Variants in HDX observed in about 807,000 individuals in gnomAD.
The protein encoded by HDX is highly divergent homeobox, also known as chromosome X open reading frame 43.
A neutral mutation model predicts 45.2 loss-of-function variants in HDX; 19 were observed. The ratio of observed to expected loss-of-function variants is 0.42; its 90% CI spans 0.29 to 0.62. The LOEUF (loss-of-function observed/expected upper bound fraction) is 0.62, where lower values mean the gene tolerates loss of function less well. Ranked by LOEUF, HDX falls within the 20% of genes least tolerant of loss-of-function variation. HDX has a pLI of 0.20. For missense variants in HDX, 532 were observed against 493.9 expected, an observed-to-expected ratio of 1.08 and a Z score of -0.73; for synonymous variants, 188 against 172.8, an observed-to-expected ratio of 1.09 and a Z score of -0.69.
At chrX:84,436,276 G>T (rs1328400849) in intron 5 of HDX, among the ~76,000 whole-genome samples, 7 of 70,030 alleles carry the variant, frequency 1.0e-4, no homozygotes, top group Non-Finnish European at 1.8e-4. Context: ...TGGGGACTGT[G>T]GTGGGGTGGG....
intron 1 of HDX, among the ~76,000 whole-genome samples, chrX:84,499,116 A>G (rs1234828483): frequency 8.9e-6 from 1 of 112,041 alleles, no homozygotes; most frequent in Non-Finnish European, 1.9e-5. Flanking sequence ...AGATATATAA[A>G]GTTTTTAGCA....
chrX:84,351,948 C>G (rs189716120), intron 6 of HDX, among the ~76,000 whole-genome samples: 1 of 111,871 alleles, frequency 8.9e-6, no homozygotes, highest in African/African-American at 3.2e-5. Flanking sequence ...GAATTTGTAA[C>G]CTTTCTAGTT....
intron 5 of HDX, among the ~76,000 whole-genome samples, chrX:84,410,543 T>A (rs1201838337): frequency 8.9e-6 from 1 of 111,866 alleles, no homozygotes; most frequent in Non-Finnish European, 1.9e-5. Flanking sequence ...TAGCTTTTGA[T>A]GTGCTTCTGG....
chrX:84,456,785 G>C (rs191341622), intron 4 of HDX, among the ~76,000 whole-genome samples: 26 of 111,637 alleles, frequency 2.3e-4, no homozygotes, highest in Non-Finnish European at 4.5e-4. Flanking sequence ...GATAAAGAAA[G>C]TCATTATATA....
At chrX:84,423,298 A>G (rs1401527409) in intron 5 of HDX, among the ~76,000 whole-genome samples, 1 of 110,728 alleles carries the variant, frequency 9.0e-6, no homozygotes, top group African/African-American at 3.3e-5. Flanking sequence ...CAACAAAAAC[A>G]AAAAACAAAA....
intron 5 of HDX, among the ~76,000 whole-genome samples, chrX:84,439,770 A>C: frequency 9.0e-6 from 1 of 111,156 alleles, no homozygotes; most frequent in Non-Finnish European, 1.9e-5. Flanking sequence ...TGTCTGTTTT[A>C]GTATCAGTAC....
chrX:84,413,515 G>T (rs1024633282), intron 5 of HDX, among the ~76,000 whole-genome samples: 1 of 111,444 alleles, frequency 9.0e-6, no homozygotes, highest in Non-Finnish European at 1.9e-5. Context: ...GGAATCTGCC[G>T]TGTAGGAGCC....
chrX:84,362,688 A>C (rs1765067014), intron 5 of HDX, among the ~76,000 whole-genome samples: 1 of 110,963 alleles, frequency 9.0e-6, no homozygotes, highest in Non-Finnish European at 1.9e-5. Flanking sequence ...TGATATGATC[A>C]AGTCCCACAC....
At chrX:84,441,910 A>AAAAGG (rs2039769339) in intron 4 of HDX, among the ~76,000 whole-genome samples, 3 of 111,357 alleles carry the variant, frequency 2.7e-5, no homozygotes, top group Non-Finnish European at 5.7e-5. Flanking sequence ...AATCCTATTC[A>AAAAGG]ACTGTATGGT....
At chrX:84,357,580 G>A (rs1296316513) in intron 6 of HDX, among the ~76,000 whole-genome samples, 3 of 111,870 alleles carry the variant, frequency 2.7e-5, no homozygotes, top group African/African-American at 9.7e-5. Flanking sequence ...ATGCATGTAA[G>A]TGAACAGATC....
At chrX:84,403,782 G>A (rs766290201) in intron 5 of HDX, 6 of 111,953 alleles carry the variant, frequency 5.4e-5, no homozygotes, top group East Asian at 2.8e-4. Flanking sequence ...AGAGACAAAC[G>A]CATTTCAAAA....
chrX:84,407,548 T>A (rs1472215912), intron 5 of HDX, among the ~76,000 whole-genome samples: 2 of 111,454 alleles, frequency 1.8e-5, no homozygotes, highest in Admixed American at 1.9e-4. Flanking sequence ...TATGGTACAA[T>A]GATTTATATT....
chrX:84,322,105 A>C (rs2036609754), intron 10 of HDX, 91 bp from the exon 11 acceptor site: 1 of 522,532 alleles, frequency 1.9e-6, no homozygotes, highest in Admixed American at 5.0e-5. Context: ...ATGGTGAATT[A>C]TCCTTATGGA....
At chrX:84,440,852 T>A (rs928187527) in intron 4 of HDX, among the ~76,000 whole-genome samples, 1 of 110,865 alleles carries the variant, frequency 9.0e-6, no homozygotes, top group African/African-American at 3.3e-5. Flanking sequence ...GTTGGGACTC[T>A]GTTGCAAGTT....
rs1169173847 is a variant in HDX, at chrX:84,325,058, T to G, written c.1947+1120A>C. On this transcript the variant is annotated intron_variant, in intron 10 of 10. Transcript: ENST00000373177. ...ATGAAAGCTACTGTCTTGAGATGTC[T>G]GTGTGTGTGACAGGGTGTATGGGGA... 3.6e-5 allele frequency among the ~76,000 whole-genome samples: 4 copies of G among 111,224 alleles called. No homozygotes were observed. The East Asian group carries it at 8.5e-4, about 24-fold the overall frequency.
chrX:84,450,790 T>A (rs931928918), intron 4 of HDX, among the ~76,000 whole-genome samples: 1 of 112,228 alleles, frequency 8.9e-6, no homozygotes, highest in Non-Finnish European at 1.9e-5. Context: ...GACCACGTGT[T>A]AGGACACAAA....
At chrX:84,419,944 C>T in intron 5 of HDX, among the ~76,000 whole-genome samples, 1 of 111,813 alleles carries the variant, frequency 8.9e-6, no homozygotes, top group Non-Finnish European at 1.9e-5. Context: ...TCTGCAAGAA[C>T]CACAGTGTTA....
intron 7 of HDX, among the ~76,000 whole-genome samples, chrX:84,338,544 T>G (rs1366923753): frequency 9.0e-6 from 1 of 110,796 alleles, no homozygotes; most frequent in Non-Finnish European, 1.9e-5. Flanking sequence ...TATTAGATCT[T>G]TTGACTTGTT....
At chrX:84,456,169 C>A (rs1376041445) in intron 4 of HDX, among the ~76,000 whole-genome samples, 1 of 111,569 alleles carries the variant, frequency 9.0e-6, no homozygotes, top group Non-Finnish European at 1.9e-5. Context: ...CAGAGAAAAT[C>A]ACAGAATTTT....
Sources: allele counts gnomAD v4.1 joint callset (sites outside exome capture counted in the v4.1 genomes callset), GRCh38; gene constraint gnomAD v4.1.1; transcripts MANE v1.5; gene names NCBI Gene and HGNC (gene_info 2026-07-23, HGNC 2026-07-21).